TTC6: variants seen among roughly 807,000 people sequenced by gnomAD.
TTC6 encodes tetratricopeptide repeat domain 6, also known as tetratricopeptide repeat protein 6.
In TTC6, 172 loss-of-function variants were observed where a neutral mutation model predicts 210.4. The ratio of observed to expected loss-of-function variants is 0.82; its 90% CI spans 0.72 to 0.93. The LOEUF (loss-of-function observed/expected upper bound fraction) is 0.93. TTC6 is among the 40% of genes least tolerant of loss of function. The probability of loss-of-function intolerance (pLI) is 0.00; values close to 1 mark genes in which losing one functional copy is unlikely to be tolerated. For synonymous variants in TTC6, 804 were observed against 819.6 expected, an observed-to-expected ratio of 0.98 and a Z score of 0.32; for missense variants, 2,414 against 2,318.1, an observed-to-expected ratio of 1.04 and a Z score of -0.85.
intron 14 of TTC6, among the ~76,000 whole-genome samples, chr14:37,785,545 C>T (rs903224555): frequency 6.6e-6 from 1 of 152,150 alleles, no homozygotes; most frequent in Non-Finnish European, 1.5e-5. Flanking sequence ...TTTTTAGCTG[C>T]TTTGCTTTGG....
chr14:37,740,884 G>A (rs1447091136), intron 10 of TTC6, among the ~76,000 whole-genome samples: 1 of 152,076 alleles, frequency 6.6e-6, no homozygotes, highest in East Asian at 1.9e-4. Context: ...CACCATTTTG[G>A]CCACAACCTA....
intron 14 of TTC6, among the ~76,000 whole-genome samples, chr14:37,786,656 C>G (rs1454852588): frequency 6.6e-6 from 1 of 152,216 alleles, no homozygotes; most frequent in African/African-American, 2.4e-5. Context: ...CCGACAAGCC[C>G]CAGTGAGATG....
At chr14:37,731,640 T>C (rs1455277431) in intron 7 of TTC6, among the ~76,000 whole-genome samples, 1 of 152,060 alleles carries the variant, frequency 6.6e-6, no homozygotes, top group African/African-American at 2.4e-5. Flanking sequence ...TTAAACATTG[T>C]TTATGAGTCA....
At chr14:37,823,887 A>G (rs1271745679) in exon 27 of TTC6, 4 of 1,613,928 alleles carry the variant, frequency 2.5e-6, no homozygotes, top group South Asian at 2.2e-5. Context: ...GCACAGAAAG[A>G]CTTTCTGAAA....
intron 10 of TTC6, among the ~76,000 whole-genome samples, chr14:37,746,636 C>T (rs937880788): frequency 6.6e-6 from 1 of 152,148 alleles, no homozygotes; most frequent in Non-Finnish European, 1.5e-5. Flanking sequence ...GCCACCAACC[C>T]AAGGTCACCT....
intron 7 of TTC6, 43 bp from the exon 10 acceptor site, chr14:37,735,878 G>A (rs1264489884): frequency 8.0e-7 from 1 of 1,248,676 alleles, no homozygotes; most frequent in Non-Finnish European, 1.1e-6. Flanking sequence ...CTTTTAAAAA[G>A]TATTCCAAAA....
chr14:37,707,583 C>G (rs925511204), intron 5 of TTC6, among the ~76,000 whole-genome samples: 2 of 152,056 alleles, frequency 1.3e-5, no homozygotes, highest in East Asian at 3.9e-4. Context: ...TTAAGACAAT[C>G]GCTTTTGTTT....
intron 1 of TTC6, among the ~76,000 whole-genome samples, chr14:37,648,760 C>A (rs1398961569): frequency 2.6e-5 from 4 of 152,136 alleles, no homozygotes; most frequent in African/African-American, 7.2e-5. Flanking sequence ...TTAATTCCAA[C>A]AATCCCCCAG....
At chr14:37,709,300 G>A (rs1275122172) in intron 5 of TTC6, among the ~76,000 whole-genome samples, 1 of 152,070 alleles carries the variant, frequency 6.6e-6, no homozygotes, top group Non-Finnish European at 1.5e-5. Flanking sequence ...CTCATATTAT[G>A]TATGAGGAGA....
intron 25 of TTC6, among the ~76,000 whole-genome samples, chr14:37,813,135 A>G (rs1311313893): frequency 6.6e-6 from 1 of 152,158 alleles, no homozygotes; most frequent in Non-Finnish European, 1.5e-5. Flanking sequence ...ACGTAACATT[A>G]TGGAGTGGAG....
At chr14:37,803,240 T>C (rs7153242) in intron 20 of TTC6, among the ~76,000 whole-genome samples, 4,211 of 152,232 alleles carry the variant, frequency 0.028, 185 homozygotes, top group African/African-American at 0.095. Flanking sequence ...ACCCAATCAA[T>C]AGTGATGTTT....
upstream of TTC6, among the ~76,000 whole-genome samples, chr14:37,617,268 T>C (rs928794011): frequency 6.6e-6 from 1 of 152,132 alleles, no homozygotes. Context: ...CAGGGGAGTA[T>C]TTTGTTGTTT....
intron 14 of TTC6, among the ~76,000 whole-genome samples, chr14:37,755,834 G>A (rs1763599501): frequency 6.6e-6 from 1 of 152,110 alleles, no homozygotes; most frequent in Non-Finnish European, 1.5e-5. Flanking sequence ...TTGGCTATAT[G>A]GGGTATTTTG....
exon 2 of TTC6, chr14:37,680,224 A>T: frequency 5.2e-6 from 8 of 1,534,314 alleles, no homozygotes; most frequent in Non-Finnish European, 6.1e-6. Flanking sequence ...ATACAAGCAG[A>T]GTATAAATTC....
At position 37,666,446 on chromosome 14, in the gene TTC6, CA is replaced by C. The variant is rs11416752; in HGVS notation, c.940-13689del. On this transcript the variant is annotated intron_variant, in intron 1 of 30. Coordinates refer to ENST00000553443, the Ensembl canonical transcript of TTC6. ...TGAGCAACATAGTGAGGCCCTGTCT[CA>C]AAAAAAAAAAAAAAAGATGAAAGCC... 5.3e-3 allele frequency among the ~76,000 whole-genome samples: 645 copies of C among 122,030 alleles called. 3 individuals carry two copies. Among genetic ancestry groups the C allele is most frequent in the African/African-American group, 0.011 (376 of 34,452 alleles). 80.1% of individuals were successfully genotyped at this position (122,030 alleles called of 152,430 possible).
At chr14:37,803,815 G>A (rs979697015) in intron 20 of TTC6, among the ~76,000 whole-genome samples, 17 of 152,220 alleles carry the variant, frequency 1.1e-4, no homozygotes, top group African/African-American at 4.1e-4. Context: ...GCAAGGTCAT[G>A]TGCTGAGAGT....
chr14:37,736,069 T>TA lies in TTC6; in HGVS notation c.1908+60dup, dbSNP rs1301217630. 23 of 881,938 alleles carry TA rather than the reference T, an allele frequency of 2.6e-5. No homozygotes were observed. The African/African-American group carries it at 3.9e-4, about 15-fold the overall frequency. The allele number at this position is 881,938 out of a possible 1,614,324, so 54.6% of individuals were successfully genotyped here. A position where few individuals can be genotyped will look rare whatever the true frequency, so the allele number is the denominator to read the frequency against. ...TTACTCTATCTGCCTACAGTCCAGA[T>TA]ATTAATTATGGTAATTCCAGAAATT... is the stretch of plus-strand genomic sequence containing the variant. On this transcript the variant is annotated intron_variant, in intron 8 of 30. Transcript: ENST00000553443.
chr14:37,659,169 A>G (rs574485929), intron 1 of TTC6, among the ~76,000 whole-genome samples: 12 of 151,970 alleles, frequency 7.9e-5, no homozygotes, highest in African/African-American at 2.4e-4. Flanking sequence ...CATTTTCTTT[A>G]TTCACTCTAC....
chr14:37,810,748 G>T (rs938715412), intron 24 of TTC6, among the ~76,000 whole-genome samples: 1 of 152,076 alleles, frequency 6.6e-6, no homozygotes, highest in African/African-American at 2.4e-5. Context: ...GTAACTTTCT[G>T]CAGAAAATGC....
Sources: gnomAD v4.1 joint callset for allele counts (sites outside exome capture counted in the v4.1 genomes callset) on GRCh38, gnomAD v4.1.1 for gene constraint, MANE v1.5 for transcripts, NCBI Gene and HGNC (gene_info 2026-07-23, HGNC 2026-07-21) for gene names.